MARCHF6: variants seen among roughly 807,000 people sequenced by gnomAD.
MARCHF6 encodes E3 ubiquitin-protein ligase MARCHF6.
In MARCHF6, 31 loss-of-function variants were observed where a neutral mutation model predicts 133.7. The ratio of observed to expected loss-of-function variants is 0.23; its 90% confidence interval spans 0.17 to 0.31. The LOEUF (loss-of-function observed/expected upper bound fraction) is 0.31, where lower values mean the gene tolerates loss of function less well. Among genes scored for constraint, MARCHF6 ranks in the 10% least tolerant of loss-of-function variants. MARCHF6 has a pLI of 1.00. For missense variants in MARCHF6, 723 were observed against 1,121.6 expected, an observed-to-expected ratio of 0.64 and a Z score of 5.08; for synonymous variants, 395 against 402.5, an observed-to-expected ratio of 0.98 and a Z score of 0.22.
chr5:10,425,482 CT>C (rs1330277530), intron 23 of MARCHF6, among the ~76,000 whole-genome samples: 1 of 152,160 alleles, frequency 6.6e-6, no homozygotes, highest in Non-Finnish European at 1.5e-5. Flanking sequence ...GTGTGTGTCT[CT>C]GTAAATTTAA....
At chr5:10,409,344 G>A (rs951005011) in intron 17 of MARCHF6, among the ~76,000 whole-genome samples, 10 of 152,242 alleles carry the variant, frequency 6.6e-5, no homozygotes, top group Admixed American at 1.3e-4. Context: ...ACCTGAGGGG[G>A]TGACAGTTGA....
chr5:10,385,910 T>G (rs1034693194), intron 4 of MARCHF6, among the ~76,000 whole-genome samples: 1 of 152,196 alleles, frequency 6.6e-6, no homozygotes, highest in Non-Finnish European at 1.5e-5. Context: ...TCTAATTTGT[T>G]TATATACAGA....
Position 10,434,823 on chromosome 5 carries a change from A to C in MARCHF6, c.*1139A>C, listed in dbSNP as rs771928076. 1.3e-5 allele frequency: 2 copies of C among 152,606 alleles called. No individual in the cohort carries two copies. Among genetic ancestry groups the C allele is most frequent in the Admixed American group, 6.6e-5 (1 of 15,266 alleles). The allele number at this position is 152,606 out of a possible 1,614,324, so 9.5% of individuals were successfully genotyped here. A position where few individuals can be genotyped will look rare whatever the true frequency, so the allele number is the denominator to read the frequency against. ...TGTTTACAGAATAAAACTTCAAATAAAACCAATTCATTATTTGTCCAGAAG... is the reference window on the plus strand; with the variant it reads ...TGTTTACAGAATAAAACTTCAAATACAACCAATTCATTATTTGTCCAGAAG... On this transcript the variant is annotated 3_prime_UTR_variant, in exon 26 of 26. Transcript: ENST00000274140.
At chr5:10,362,777 T>C (rs773389147) in intron 1 of MARCHF6, among the ~76,000 whole-genome samples, 10 of 152,184 alleles carry the variant, frequency 6.6e-5, no homozygotes, top group Non-Finnish European at 1.3e-4. Flanking sequence ...AGTGGTAGTT[T>C]CTTAACGTAT....
At position 10,400,801 on chromosome 5, in the gene MARCHF6, A is replaced by G; in HGVS notation, c.931A>G (p.Ile311Val). Residue 311 changes from isoleucine (I) to valine (V), a missense_variant, in exon 11 of 26, where the codon ATT (isoleucine) becomes GTT (valine). Coordinates refer to ENST00000274140, the MANE Select transcript of MARCHF6 (RefSeq NM_005885.4). ...ILVFAFCPYH[I>V]GHFSLVGLGF... ...CTTTTTAGCATTTTGCCCTTACCATATTGGTCATTTCTCCCTTGTTGGTTT... is the reference window on the plus strand; with the variant it reads ...CTTTTTAGCATTTTGCCCTTACCATGTTGGTCATTTCTCCCTTGTTGGTTT... 6.2e-7 allele frequency: 1 copy of G among 1,612,666 alleles called. No homozygotes were observed. The highest frequency in any genetic ancestry group is 2.2e-5 in the East Asian group (1 of 44,832).
chr5:10,424,506 T>G (rs377206333), intron 23 of MARCHF6, among the ~76,000 whole-genome samples: 18 of 152,382 alleles, frequency 1.2e-4, no homozygotes, highest in East Asian at 7.7e-4. Flanking sequence ...ACAATCCTTA[T>G]GCCTAAGAGG....
Position 10,412,838 on chromosome 5 carries a change from G to A in MARCHF6, c.1896+1301G>A, listed in dbSNP as rs193154817. Among the ~76,000 whole-genome samples the A allele has an allele frequency of 2.6e-4, 40 of 152,316 alleles. No homozygotes were observed. In the Middle Eastern group the frequency reaches 0.01, roughly 39 times the overall value. On this transcript the variant is annotated intron_variant, in intron 19 of 25. Coordinates refer to ENST00000274140, the MANE Select transcript of MARCHF6 (RefSeq NM_005885.4). ...AGTCTGCCTGCCTCGGCCTCCCAAAGTACTGGAATACAGGTGTAAGCCACT... is the reference window on the plus strand; with the variant it reads ...AGTCTGCCTGCCTCGGCCTCCCAAAATACTGGAATACAGGTGTAAGCCACT...
intron 10 of MARCHF6, 84 bp downstream of exon 10, chr5:10,397,428 AT>A (rs1228281451): frequency 3.0e-6 from 3 of 1,012,632 alleles, no homozygotes; most frequent in African/African-American, 3.3e-5. Flanking sequence ...GTTTATTATT[AT>A]TTTTTAACAT....
chr5:10,354,000 G>A, intron 1 of MARCHF6, 83 bp downstream of exon 1: 1 of 1,397,422 alleles, frequency 7.2e-7, no homozygotes, highest in Non-Finnish European at 9.5e-7. Context: ...GCTCGAGGTG[G>A]GCTGCTGGAT....
chr5:10,360,325 T>G (rs1735748216), intron 1 of MARCHF6, among the ~76,000 whole-genome samples: 1 of 151,698 alleles, frequency 6.6e-6, no homozygotes, highest in East Asian at 2.0e-4. Context: ...AATTTTGTAT[T>G]TTTCGTAGAG....
intron 1 of MARCHF6, among the ~76,000 whole-genome samples, chr5:10,362,933 A>G (rs1384113204): frequency 6.6e-6 from 1 of 152,240 alleles, no homozygotes; most frequent in African/African-American, 2.4e-5. Flanking sequence ...GCAATTGCAT[A>G]AAATATAAAG....
intron 23 of MARCHF6, among the ~76,000 whole-genome samples, chr5:10,425,849 T>C (rs1370174661): frequency 6.6e-6 from 1 of 152,262 alleles, no homozygotes; most frequent in Non-Finnish European, 1.5e-5. Flanking sequence ...AATATTCTAG[T>C]AATTCTTGGA....
intron 17 of MARCHF6, among the ~76,000 whole-genome samples, chr5:10,407,757 C>T (rs1738985502): frequency 6.6e-6 from 1 of 152,154 alleles, no homozygotes; most frequent in African/African-American, 2.4e-5. Context: ...AGTTTGAGAC[C>T]AGCGTGACCA....
At chr5:10,400,101 A>G (rs760338028) in intron 10 of MARCHF6, among the ~76,000 whole-genome samples, 4 of 152,136 alleles carry the variant, frequency 2.6e-5, no homozygotes, top group Non-Finnish European at 4.4e-5. Flanking sequence ...CACTTTTATC[A>G]CTGGATTCAG....
chr5:10,433,679 GA>G lies in MARCHF6; in HGVS notation c.2730del (p.Glu910AspfsTer9), dbSNP rs1386047131. 1 of 1,613,842 alleles carries G rather than the reference GA, an allele frequency of 6.2e-7. No homozygotes were observed. The highest frequency in any genetic ancestry group is 1.3e-5 in the African/African-American group (1 of 74,916). On this transcript the variant is annotated frameshift_variant, in exon 26 of 26. Transcript: ENST00000274140. LOFTEE classifies it high-confidence loss of function. The part of the protein sequence containing the change: ...SSPPPPQSSQ[E>X] The stretch of plus-strand genomic sequence containing the variant: ...TCCACCACCTCCACAGTCATCCCAA[GA>G]ATAAAGTAGTTGTCTCAACAACTTG...
At chr5:10,359,690 G>C (rs1735693957) in intron 1 of MARCHF6, among the ~76,000 whole-genome samples, 1 of 152,058 alleles carries the variant, frequency 6.6e-6, no homozygotes. Flanking sequence ...AATCTCCTGA[G>C]TACTCATAAT....
chr5:10,392,706 A>T (rs1447326345), intron 7 of MARCHF6, among the ~76,000 whole-genome samples: 1 of 151,790 alleles, frequency 6.6e-6, no homozygotes, highest in African/African-American at 2.4e-5. Flanking sequence ...GGGAGCTGAG[A>T]TCATGCCACT....
At chr5:10,409,936 G>A (rs1210752771) in intron 17 of MARCHF6, among the ~76,000 whole-genome samples, 1 of 152,128 alleles carries the variant, frequency 6.6e-6, no homozygotes, top group Non-Finnish European at 1.5e-5. Context: ...CATCAGTTTA[G>A]CAAAATGAAA....
rs1400311721 is a variant in MARCHF6 at position 10,440,035 on chromosome 5, T to C, written c.*6351T>C. On this transcript the variant is annotated 3_prime_UTR_variant, in exon 26 of 26. Transcript: ENST00000274140. Reference sequence around the variant, plus strand: ...TCCTGTCTCATCTCCCTGCTGTATTTTGTACTCCCGGCTCTCTTTTGTACT... The same window carrying C: ...TCCTGTCTCATCTCCCTGCTGTATTCTGTACTCCCGGCTCTCTTTTGTACT... 1 of 152,262 alleles carries C rather than the reference T, an allele frequency of 6.6e-6. No individual in the cohort carries two copies. Among genetic ancestry groups the C allele is most frequent in the Non-Finnish European group, 1.5e-5 (1 of 68,048 alleles). 9.4% of individuals were successfully genotyped at this position (152,262 alleles called of 1,614,324 possible).
Sources: gnomAD v4.1 joint callset for allele counts (sites outside exome capture counted in the v4.1 genomes callset) on GRCh38, gnomAD v4.1.1 for gene constraint, MANE v1.5 for transcripts, NCBI Gene and HGNC (gene_info 2026-07-23, HGNC 2026-07-21) for gene names.